SRGAP2C: variants seen among roughly 807,000 people sequenced by gnomAD.
SRGAP2C encodes SLIT-ROBO Rho GTPase-activating protein 2C.
In SRGAP2C, 15 loss-of-function variants were observed where a neutral mutation model predicts 25.1. That is an observed-to-expected ratio of 0.60 (90% CI 0.40 to 0.92). The LOEUF (loss-of-function observed/expected upper bound fraction) is 0.92, where lower values mean the gene tolerates loss of function less well. Among genes scored for constraint, SRGAP2C ranks in the 40% least tolerant of loss-of-function variants. The pLI, the probability that SRGAP2C is intolerant of heterozygous loss-of-function variation, is 0.00. For synonymous variants in SRGAP2C, 44 were observed against 96.6 expected (o/e 0.46, Z 3.19); for missense variants, 144 against 264.4 (o/e 0.54, Z 3.16).
intron 2 of SRGAP2C, among the ~76,000 whole-genome samples, chr1:121,279,488 T>C (rs1657193491): frequency 6.6e-6 from 1 of 151,022 alleles, no homozygotes. Flanking sequence ...GTCTACATGA[T>C]TGTCAGTGTG....
At chr1:121,255,748 G>GCTA (rs2101520739) in intron 2 of SRGAP2C, among the ~76,000 whole-genome samples, 1 of 151,552 alleles carries the variant, frequency 6.6e-6, no homozygotes, top group East Asian at 1.9e-4. Flanking sequence ...AACCCGGGAG[G>GCTA]CGTAGGTTGC....
chr1:121,324,563 C>T lies in SRGAP2C; in HGVS notation c.346C>T (p.Leu116=), dbSNP rs1319899195. The T allele has an allele frequency of 8.0e-5, 129 of 1,604,794 alleles. No homozygotes were observed. The Admixed American group carries it at 2.1e-3, about 26-fold the overall frequency. The change falls in exon 4 of 10, where the codon CTG becomes TTG. Residue 116 remains leucine, a synonymous_variant. Coordinates refer to ENST00000367123, the MANE Select transcript of SRGAP2C (RefSeq NM_001329984.2). ...VKWESRDHTT[L]SDIYLNNIIP... ...GTGGGAAAGCAGGGACCATACCACC[C>T]TGAGTGACATCTACCTGAATAATAT... is the stretch of plus-strand genomic sequence containing the variant.
intron 6 of SRGAP2C, among the ~76,000 whole-genome samples, chr1:121,374,563 A>G (rs1553352461): frequency 6.6e-6 from 1 of 152,158 alleles, no homozygotes; most frequent in African/African-American, 2.4e-5. Context: ...TCAGAGTGGC[A>G]TTGCAAGAAT....
intron 3 of SRGAP2C, among the ~76,000 whole-genome samples, chr1:121,297,134 GT>G: frequency 6.6e-6 from 1 of 151,168 alleles, no homozygotes; most frequent in Non-Finnish European, 1.5e-5. Flanking sequence ...AGATGCCTTT[GT>G]TCAGAAATTA....
In SRGAP2C at chr1:121,377,853, TAAGA is replaced by T. The variant is rs1388968542; in HGVS notation, c.831+2906_831+2909del. Reference sequence around the variant, plus strand: ...TTCAGATGACTAGATGAGACTAGAATAAGAAAGAAAATATTAGAGTACATCACAT... The same window carrying T: ...TTCAGATGACTAGATGAGACTAGAATAAGAAAATATTAGAGTACATCACAT... On this transcript the variant is annotated intron_variant, in intron 7 of 9. Transcript: ENST00000367123. 1.7e-4 allele frequency among the ~76,000 whole-genome samples: 24 copies of T among 141,812 alleles called. No individual in the cohort carries two copies. In the South Asian group the frequency reaches 4.7e-3, roughly 28 times the overall value. 93.0% of individuals were successfully genotyped at this position (141,812 alleles called of 152,430 possible).
At chr1:121,199,083 G>A (rs1311318893) in intron 2 of SRGAP2C, among the ~76,000 whole-genome samples, 6 of 151,624 alleles carry the variant, frequency 4.0e-5, no homozygotes, top group Non-Finnish European at 8.8e-5. Flanking sequence ...CTCTGTTTTA[G>A]GTGCTTTACA....
At chr1:121,378,548 AGT>A (rs1452348281) in intron 7 of SRGAP2C, among the ~76,000 whole-genome samples, 2 of 150,094 alleles carry the variant, frequency 1.3e-5, no homozygotes, top group Non-Finnish European at 3.0e-5. Flanking sequence ...ATGTATCGGT[AGT>A]GTCTTTCTTT....
chr1:121,185,029 C>T lies in SRGAP2C; in HGVS notation c.-638C>T, dbSNP rs587724786. The T allele has an allele frequency of 2.3e-4, 120 of 515,062 alleles. 17 individuals carry two copies. The African/African-American group carries it at 2.4e-3, about 10-fold the overall frequency. 31.9% of individuals were successfully genotyped at this position (515,062 alleles called of 1,614,324 possible). A position where few individuals can be genotyped will look rare whatever the true frequency, so the allele number is the denominator to read the frequency against. ...GAGGCTCCTCCAGGGACTGGGGCAC[C>T]GATCTGCGTAGAAACGGGTGGCGGG... On this transcript the variant is annotated 5_prime_UTR_variant, in exon 1 of 10. Coordinates refer to ENST00000367123, the MANE Select transcript of SRGAP2C (RefSeq NM_001329984.2).
At chr1:121,218,909 A>T (rs1281080860) in intron 2 of SRGAP2C, among the ~76,000 whole-genome samples, 1 of 151,812 alleles carries the variant, frequency 6.6e-6, no homozygotes, top group Non-Finnish European at 1.5e-5. Flanking sequence ...AAGTGAACCA[A>T]GTTCTTAAAT....
chr1:121,225,734 G>A (rs1655649711), intron 2 of SRGAP2C, among the ~76,000 whole-genome samples: 2 of 148,188 alleles, frequency 1.3e-5, no homozygotes, highest in Admixed American at 1.3e-4. Context: ...TTTTTTTAAG[G>A]CAGAGTCATG....
Position 121,282,641 on chromosome 1 carries a change from G to A in SRGAP2C, c.68-2162G>A, listed in dbSNP as rs1210818766. 4.0e-3 allele frequency among the ~76,000 whole-genome samples: 605 copies of A among 151,978 alleles called. 8 individuals are homozygous for A. The highest frequency in any genetic ancestry group is 0.013 in the African/African-American group (539 of 41,488). Reference sequence around the variant, plus strand: ...GCGATCTCTGCTCAGTGCAAACTCCGCCTCCCGGGTTCACGCCATTCTCCC... The same window carrying A: ...GCGATCTCTGCTCAGTGCAAACTCCACCTCCCGGGTTCACGCCATTCTCCC... On this transcript the variant is annotated intron_variant, in intron 2 of 9. Transcript: ENST00000367123.
chr1:121,383,094 T>C (rs2101679081), intron 8 of SRGAP2C, among the ~76,000 whole-genome samples, 169 bp downstream of exon 8: 1 of 147,682 alleles, frequency 6.8e-6, no homozygotes, highest in East Asian at 2.0e-4. Context: ...GAGTGCCTGC[T>C]GTCAGACACT....
At chr1:121,366,016 A>AGGT (rs1417743166) in intron 5 of SRGAP2C, among the ~76,000 whole-genome samples, 2 of 140,146 alleles carry the variant, frequency 1.4e-5, no homozygotes, top group East Asian at 2.3e-4. Context: ...ATGCGCAGAG[A>AGGT]GGTGGTGGTG....
intron 4 of SRGAP2C, among the ~76,000 whole-genome samples, chr1:121,351,605 A>G (rs1444613521): frequency 7.6e-6 from 1 of 131,982 alleles, no homozygotes; most frequent in Non-Finnish European, 1.6e-5. Flanking sequence ...GCGAGACTCC[A>G]TCTCAAAATA....
At chr1:121,315,099 C>T (rs1358194195) in intron 3 of SRGAP2C, 1 of 648,632 alleles carries the variant, frequency 1.5e-6, no homozygotes, top group Admixed American at 2.7e-5. Context: ...AGGCGAAGGT[C>T]TCTGGTGCAG....
chr1:121,354,298 CTT>C (rs1658998807), intron 4 of SRGAP2C, among the ~76,000 whole-genome samples: 1 of 62,156 alleles, frequency 1.6e-5, no homozygotes, highest in African/African-American at 7.6e-5. Context: ...TTCTTTCTTT[CTT>C]TCTTTCTTTC....
chr1:121,377,136 GC>G (rs1158588778), intron 7 of SRGAP2C, among the ~76,000 whole-genome samples: 61 of 140,330 alleles, frequency 4.3e-4, no homozygotes, highest in Non-Finnish European at 7.9e-4. Context: ...TCTGCTAAGA[GC>G]CTAATTTCAC....
chr1:121,282,657 C>T (rs1356880344), intron 2 of SRGAP2C, among the ~76,000 whole-genome samples: 3 of 151,848 alleles, frequency 2.0e-5, no homozygotes, highest in Non-Finnish European at 2.9e-5. Flanking sequence ...CGGGTTCACG[C>T]CATTCTCCCA....
At chr1:121,326,734 C>G (rs1658323489) in intron 4 of SRGAP2C, among the ~76,000 whole-genome samples, 1 of 87,058 alleles carries the variant, frequency 1.1e-5, no homozygotes, top group South Asian at 3.3e-4. Flanking sequence ...TTTCTGTACC[C>G]TAGAAACCCC....
Sources: allele counts gnomAD v4.1 joint callset (sites outside exome capture counted in the v4.1 genomes callset), GRCh38; gene constraint gnomAD v4.1.1; transcripts MANE v1.5; gene names NCBI Gene and HGNC (gene_info 2026-07-23, HGNC 2026-07-21).